UNC80: variants seen among roughly 807,000 people sequenced by gnomAD.
The protein encoded by UNC80 is unc-80 subunit of NALCN channel complex.
Under a neutral mutation model 384.6 loss-of-function variants are expected in UNC80, and 164 were observed. That is an observed-to-expected ratio of 0.43 (90% CI 0.38 to 0.49). The LOEUF is 0.49. Ranked by LOEUF, UNC80 falls within the 20% of genes least tolerant of loss-of-function variation. UNC80 has a pLI of 0.00. For synonymous variants in UNC80, 1,486 were observed against 1,527.8 expected (o/e 0.97, Z 0.64); for missense variants, 3,330 against 4,143.0 (o/e 0.80, Z 5.39).
At chr2:209,873,327 A>G (rs2084474354) in intron 23 of UNC80, among the ~76,000 whole-genome samples, 1 of 152,186 alleles carries the variant, frequency 6.6e-6, no homozygotes, top group Admixed American at 6.5e-5. Context: ...TATCTTTTTG[A>G]AAGTCATTGT....
At chr2:209,915,706 T>G (rs114881005) in intron 31 of UNC80, among the ~76,000 whole-genome samples, 2,656 of 152,332 alleles carry the variant, frequency 0.017, 71 homozygotes, top group African/African-American at 0.059. Context: ...TGTGGAATAC[T>G]TTGGTTTTAA....
rs768913378 is a variant in UNC80 at position 209,834,157 on chromosome 2, A to G, written c.2931A>G (p.Ala977=). Residue 977 remains alanine (A), a synonymous_variant, in exon 17 of 65, where the codon GCA becomes GCG. Transcript: ENST00000673920. The stretch of plus-strand genomic sequence containing the variant: ...AGAATGAACAGGAATCTAAGCCTGC[A>G]GGCAGTAAAAGGTTGGAAGCTTGAA... The part of the protein sequence containing the change: ...VEENEQESKP[A]GSKRSEAGSI... 2 of 1,551,524 alleles carry G rather than the reference A, an allele frequency of 1.3e-6. No homozygotes were observed. The highest frequency in any genetic ancestry group is 2.4e-5 in the East Asian group (1 of 40,910).
chr2:209,953,911 G>A (rs1184854917), intron 47 of UNC80, among the ~76,000 whole-genome samples, 189 bp from the exon 48 acceptor site: 1 of 152,166 alleles, frequency 6.6e-6, no homozygotes, highest in East Asian at 1.9e-4. Flanking sequence ...CTTTTAGCAG[G>A]TGGTTAGTGA....
intron 7 of UNC80, among the ~76,000 whole-genome samples, chr2:209,807,775 C>G (rs1255630875): frequency 6.6e-6 from 1 of 152,156 alleles, no homozygotes; most frequent in African/African-American, 2.4e-5. Context: ...CCTGATAATA[C>G]TATCTTAAAT....
intron 29 of UNC80, among the ~76,000 whole-genome samples, chr2:209,911,647 T>G (rs1221239195): frequency 1.3e-5 from 2 of 152,360 alleles, no homozygotes; most frequent in East Asian, 3.9e-4. Context: ...AGTTCAGTTT[T>G]TTTTCCCTTG....
chr2:209,805,873 T>C (rs1029934256), intron 7 of UNC80, among the ~76,000 whole-genome samples: 1 of 152,182 alleles, frequency 6.6e-6, no homozygotes, highest in African/African-American at 2.4e-5. Context: ...CACAATAGAA[T>C]GTGAATAGCA....
chr2:209,774,539 T>A (rs890217238), intron 2 of UNC80, among the ~76,000 whole-genome samples: 1 of 152,178 alleles, frequency 6.6e-6, no homozygotes, highest in Non-Finnish European at 1.5e-5. Context: ...TTATTAAAAG[T>A]TGTATTAGTG....
At chr2:209,777,590 T>C in intron 4 of UNC80, 31 bp downstream of exon 4, 4 of 1,570,376 alleles carry the variant, frequency 2.5e-6, no homozygotes, top group Non-Finnish European at 3.5e-6. Flanking sequence ...AGAGCTGGAG[T>C]GGGTGGAGAT....
At chr2:209,946,932 T>G (rs896357008) in intron 47 of UNC80, among the ~76,000 whole-genome samples, 1 of 152,220 alleles carries the variant, frequency 6.6e-6, no homozygotes, top group African/African-American at 2.4e-5. Flanking sequence ...CTCTTTTTAC[T>G]GGAGGGACAC....
At chr2:209,822,452 G>A (rs1388646794) in intron 13 of UNC80, among the ~76,000 whole-genome samples, 1 of 152,052 alleles carries the variant, frequency 6.6e-6, no homozygotes, top group Non-Finnish European at 1.5e-5. Flanking sequence ...CACAGAAACT[G>A]GTGAGATTCT....
At chr2:209,953,950 C>T (rs899607132) in intron 47 of UNC80, 150 bp from the exon 48 acceptor site, 11 of 791,942 alleles carry the variant, frequency 1.4e-5, no homozygotes, top group Non-Finnish European at 2.1e-5. Context: ...ACATTTCCAG[C>T]AGCTTTAACT....
At chr2:209,862,563 T>C (rs1038674654) in intron 22 of UNC80, among the ~76,000 whole-genome samples, 3 of 152,136 alleles carry the variant, frequency 2.0e-5, no homozygotes, top group Non-Finnish European at 4.4e-5. Flanking sequence ...TTGTTCTGTT[T>C]ACCATTATGT....
rs2081279880 is a variant in UNC80 at position 209,835,566 on chromosome 2, G to A, written c.3041+556G>A. Reference sequence around the variant, plus strand: ...AAAAATCAAAAACATCTTTAAATTAGTGCCCCCAGAAAATATAAGGGTTAT... The same window carrying A: ...AAAAATCAAAAACATCTTTAAATTAATGCCCCCAGAAAATATAAGGGTTAT... On this transcript the variant is annotated intron_variant, in intron 18 of 64. Transcript: ENST00000673920. Among the ~76,000 whole-genome samples the A allele has an allele frequency of 2.0e-5, 3 of 152,020 alleles. 1 individual carries two copies. Among genetic ancestry groups the A allele is most frequent in the Admixed American group, 2.0e-4 (3 of 15,270 alleles).
chr2:209,931,724 C>T (rs766510725), intron 38 of UNC80, among the ~76,000 whole-genome samples: 3 of 152,230 alleles, frequency 2.0e-5, no homozygotes, highest in Admixed American at 6.5e-5. Context: ...ACTCCCACCA[C>T]AACCCCCATG....
At chr2:209,939,844 C>G (rs1559364806) in intron 43 of UNC80, among the ~76,000 whole-genome samples, 192 bp downstream of exon 43, 1 of 152,100 alleles carries the variant, frequency 6.6e-6, no homozygotes, top group African/African-American at 2.4e-5. Context: ...TTAGGTATAT[C>G]TCCTAAACGC....
intron 48 of UNC80, among the ~76,000 whole-genome samples, chr2:209,955,106 A>G (rs996791944): frequency 6.6e-6 from 1 of 152,032 alleles, no homozygotes; most frequent in Non-Finnish European, 1.5e-5. Flanking sequence ...CAGGATAGGG[A>G]TGGGGAAGCC....
chr2:209,991,887 C>T (rs1253375102), intron 61 of UNC80, among the ~76,000 whole-genome samples: 1 of 152,118 alleles, frequency 6.6e-6, no homozygotes, highest in Admixed American at 6.6e-5. Flanking sequence ...TTGGTGGCTT[C>T]CAAACCAGGG....
intron 7 of UNC80, among the ~76,000 whole-genome samples, chr2:209,805,376 T>C (rs190868186): frequency 7.2e-5 from 11 of 152,362 alleles, no homozygotes; most frequent in Admixed American, 3.9e-4. Context: ...TCAATTTCTA[T>C]GTAACAAATT....
At chr2:209,951,858 C>G (rs1457380385) in intron 47 of UNC80, among the ~76,000 whole-genome samples, 2 of 152,232 alleles carry the variant, frequency 1.3e-5, no homozygotes, top group African/African-American at 4.8e-5. Context: ...ACCACATGCT[C>G]TATATATGTC....
Sources: gnomAD v4.1 joint callset for allele counts (sites outside exome capture counted in the v4.1 genomes callset) on GRCh38, gnomAD v4.1.1 for gene constraint, MANE v1.5 for transcripts, NCBI Gene and HGNC (gene_info 2026-07-23, HGNC 2026-07-21) for gene names.